Variants in ROS1 observed in about 807,000 individuals in gnomAD.
The protein encoded by ROS1 is proto-oncogene tyrosine-protein kinase ROS.
Under a neutral mutation model 273.5 loss-of-function variants are expected in ROS1, and 263 were observed. That is an observed-to-expected ratio of 0.96 (90% CI 0.87 to 1.06). The LOEUF (loss-of-function observed/expected upper bound fraction) is 1.06, where lower values mean the gene tolerates loss of function less well. Among genes scored for constraint, ROS1 ranks in the 50% least tolerant of loss-of-function variants. The pLI, the probability that ROS1 is intolerant of heterozygous loss-of-function variation, is 0.00. For synonymous variants in ROS1, 1,008 were observed against 954.1 expected (o/e 1.06, Z -1.04); for missense variants, 2,833 against 2,751.1 (o/e 1.03, Z -0.67).
chr6:117,288,905 T>C (rs1383204535), intron 43 of ROS1, 103 bp from the exon 44 acceptor site: 3 of 923,892 alleles, frequency 3.2e-6, no homozygotes, highest in Non-Finnish European at 4.7e-6. Flanking sequence ...TTTACACATT[T>C]GTTCAGCAAA....
intron 17 of ROS1, among the ~76,000 whole-genome samples, chr6:117,380,679 T>A (rs912288919): frequency 2.6e-5 from 4 of 152,066 alleles, no homozygotes; most frequent in African/African-American, 7.2e-5. Context: ...AGGTGTTGAG[T>A]CATCATCCCA....
chr6:117,335,308 A>G (rs1777386042), intron 32 of ROS1, among the ~76,000 whole-genome samples: 1 of 152,218 alleles, frequency 6.6e-6, no homozygotes, highest in Non-Finnish European at 1.5e-5. Context: ...CACGCGAGTC[A>G]GAATGGCAAC....
intron 5 of ROS1, among the ~76,000 whole-genome samples, chr6:117,407,099 C>A (rs1317161161): frequency 1.3e-5 from 2 of 152,190 alleles, no homozygotes; most frequent in Non-Finnish European, 2.9e-5. Flanking sequence ...CACTACCTCT[C>A]CACAGAAACG....
intron 12 of ROS1, among the ~76,000 whole-genome samples, chr6:117,391,391 T>C (rs928694992): frequency 6.6e-6 from 1 of 151,510 alleles, no homozygotes; most frequent in African/African-American, 2.4e-5. Flanking sequence ...GAAAGAAAAA[T>C]AGAAAAGGTG....
In ROS1 at chr6:117,341,153, A is replaced by T. The variant is rs2128621362; in HGVS notation, c.5043T>A (p.Phe1681Leu). 6.2e-7 allele frequency: 1 copy of T among 1,608,818 alleles called. No homozygotes were observed. ...AGTCTACCTTCTGTAGCTCAACCCAAAATCTGATGAGGTTAACATTCAATG... is the reference window on the plus strand; with the variant it reads ...AGTCTACCTTCTGTAGCTCAACCCATAATCTGATGAGGTTAACATTCAATG... Reference protein sequence around the residue: ...KAPLNVNLIRFWVELQKWKYN... With the variant: ...KAPLNVNLIRLWVELQKWKYN... Residue 1681 changes from phenylalanine to leucine, a missense_variant, in exon 31 of 44, where the codon TTT becomes TTA. By Grantham distance (22) the Phe-to-Leu change is conservative. Transcript: ENST00000368507.
At chr6:117,385,936 T>A in intron 15 of ROS1, 75 bp from the exon 16 acceptor site, 1 of 1,118,932 alleles carries the variant, frequency 8.9e-7, no homozygotes, top group Non-Finnish European at 1.3e-6. Context: ...ACAAATCACA[T>A]CTGCACCTCA....
chr6:117,393,179 T>G, intron 12 of ROS1, 45 bp downstream of exon 12: 1 of 1,119,058 alleles, frequency 8.9e-7, no homozygotes, highest in Non-Finnish European at 1.4e-6. Context: ...AAAGATTATT[T>G]ATTCCCAATG....
Position 117,356,745 on chromosome 6 carries a change from A to G in ROS1, c.4010T>C (p.Ile1337Thr). Reference protein sequence around the residue: ...TEFELSGAMAIDTSNLEKPLI... With the variant: ...TEFELSGAMATDTSNLEKPLI... ...TGGTTTCTCTAGGTTAGAGGTATCA[A>G]TAGCCATTGCTCCACTTAACTCAAA... Residue 1337 changes from isoleucine (I) to threonine (T), a missense_variant, in exon 26 of 44, where the codon ATT becomes ACT. Transcript: ENST00000368507. 1.9e-6 allele frequency: 3 copies of G among 1,614,196 alleles called. No homozygotes were observed. The highest frequency in any genetic ancestry group is 8.5e-7 in the Non-Finnish European group (1 of 1,180,026).
intron 6 of ROS1, among the ~76,000 whole-genome samples, chr6:117,403,751 G>C (rs747335924): frequency 7.2e-5 from 11 of 152,052 alleles, no homozygotes; most frequent in Non-Finnish European, 1.3e-4. Flanking sequence ...TGAAGGAATA[G>C]TATATATGTC....
intron 43 of ROS1, among the ~76,000 whole-genome samples, chr6:117,296,215 T>C (rs1365570686): frequency 2.0e-5 from 3 of 150,364 alleles, no homozygotes; most frequent in Non-Finnish European, 3.0e-5. Context: ...CTGGCCAACA[T>C]GGTGAAACCC....
rs1046794283 is a variant in ROS1 at position 117,344,154 on chromosome 6, C to G, written c.4412G>C (p.Trp1471Ser). The G allele has an allele frequency of 6.2e-7, 1 of 1,613,750 alleles. No individual in the cohort carries two copies. Among genetic ancestry groups the G allele is most frequent in the African/African-American group, 1.3e-5 (1 of 74,890 alleles). Residue 1471 changes from tryptophan (W) to serine (S), a missense_variant, in exon 28 of 44, where the codon TGG becomes TCG. Coordinates refer to ENST00000368507, the MANE Select transcript of ROS1 (RefSeq NM_001378902.1). ...TGGAGTAGGGCTGGTGATGCCATAC[C>G]ATGTGAGGTTTGTCTTGGCCAGAGG... is the stretch of plus-strand genomic sequence containing the variant. ...RLPLAKTNLT[W>S]YGITSPTPTY...
At chr6:117,302,313 T>A (rs1342710945) in intron 42 of ROS1, among the ~76,000 whole-genome samples, 1 of 152,132 alleles carries the variant, frequency 6.6e-6, no homozygotes, top group African/African-American at 2.4e-5. Flanking sequence ...TCCCTCTGCC[T>A]TCCTGTCTAA....
chr6:117,364,843 T>C (rs2128658580), intron 21 of ROS1, among the ~76,000 whole-genome samples: 1 of 152,316 alleles, frequency 6.6e-6, no homozygotes, highest in Middle Eastern at 3.4e-3. Context: ...TCAAATGAAA[T>C]GGCTGTTAAG....
intron 40 of ROS1, among the ~76,000 whole-genome samples, chr6:117,310,564 C>T (rs1383611395): frequency 6.6e-6 from 1 of 151,824 alleles, no homozygotes; most frequent in East Asian, 1.9e-4. Context: ...CCAGACAGGC[C>T]CTGGTGTATG....
At position 117,329,428 on chromosome 6, in the gene ROS1, G is replaced by A. The variant is rs1270018924; in HGVS notation, c.5249C>T (p.Pro1750Leu). ...FKTKAGVPNK[P>L]GIPKLLEGSK... ...CCCTTCTAGTAATTTGGGAATGCCT[G>A]GTTTATTTGGGACTCCAGCTTTAGG... The change falls in exon 33 of 44, where the codon CCA becomes CTA. Residue 1750 changes from proline to leucine, a missense_variant. Transcript: ENST00000368507. 1 of 1,574,058 alleles carries A rather than the reference G, an allele frequency of 6.4e-7. No individual in the cohort carries two copies. Among genetic ancestry groups the A allele is most frequent in the Non-Finnish European group, 8.7e-7 (1 of 1,145,644 alleles).
intron 43 of ROS1, 26 bp from the exon 44 acceptor site, chr6:117,288,828 C>T (rs1562238983): frequency 6.5e-7 from 1 of 1,530,026 alleles, no homozygotes. Context: ...GAATGTTATT[C>T]TAGCATGTAT....
intron 7 of ROS1, among the ~76,000 whole-genome samples, 155 bp from the exon 8 acceptor site, chr6:117,397,271 T>A (rs905870593): frequency 6.6e-6 from 1 of 152,040 alleles, no homozygotes; most frequent in African/African-American, 2.4e-5. Flanking sequence ...GGAAAGGTGG[T>A]AAGATGTCTA....
At chr6:117,341,714 A>C (rs1777943599) in intron 29 of ROS1, 82 bp from the exon 30 acceptor site, 2 of 1,001,926 alleles carry the variant, frequency 2.0e-6, no homozygotes, top group Admixed American at 4.0e-5. Flanking sequence ...TGGGTTGAAG[A>C]GTAATCATGT....
At chr6:117,340,322 T>C (rs777185141) in intron 31 of ROS1, among the ~76,000 whole-genome samples, 2 of 152,100 alleles carry the variant, frequency 1.3e-5, no homozygotes, top group Non-Finnish European at 2.9e-5. Context: ...CATAATAATT[T>C]TAAACATCCT....
Sources: gnomAD v4.1 joint callset for allele counts (sites outside exome capture counted in the v4.1 genomes callset) on GRCh38, gnomAD v4.1.1 for gene constraint, MANE v1.5 for transcripts, NCBI Gene and HGNC (gene_info 2026-07-23, HGNC 2026-07-21) for gene names.